Variants in NTN4 observed in about 807,000 individuals in gnomAD.
The protein encoded by NTN4 is netrin 4.
In NTN4, 32 loss-of-function variants were observed where a neutral mutation model predicts 73.6. That is an observed-to-expected ratio of 0.44 (90% CI 0.33 to 0.58). The LOEUF (loss-of-function observed/expected upper bound fraction) is 0.58, where lower values mean the gene tolerates loss of function less well. Among genes scored for constraint, NTN4 ranks in the 20% least tolerant of loss-of-function variants. The pLI, the probability that NTN4 is intolerant of heterozygous loss-of-function variation, is 0.04. For synonymous variants in NTN4, 258 were observed against 287.5 expected (o/e 0.90, Z 1.04); for missense variants, 654 against 798.3 (o/e 0.82, Z 2.18).
At chr12:95,712,902 T>A (rs1163349749) in intron 4 of NTN4, among the ~76,000 whole-genome samples, 1 of 150,366 alleles carries the variant, frequency 6.7e-6, no homozygotes, top group Non-Finnish European at 1.5e-5. Context: ...CCTCCCAAAG[T>A]GCTGAAATTA....
At chr12:95,706,278 T>C (rs2078521239) in intron 5 of NTN4, among the ~76,000 whole-genome samples, 1 of 114,412 alleles carries the variant, frequency 8.7e-6, no homozygotes, top group African/African-American at 3.4e-5. Context: ...ATCTTGAACA[T>C]AGAACAGTAA....
At chr12:95,695,418 G>A (rs754147391) in intron 5 of NTN4, among the ~76,000 whole-genome samples, 4 of 152,088 alleles carry the variant, frequency 2.6e-5, no homozygotes, top group Non-Finnish European at 4.4e-5. Flanking sequence ...AGGCTGGAGT[G>A]CAATGGCGTG....
chr12:95,782,522 T>A (rs1469094908), intron 2 of NTN4, among the ~76,000 whole-genome samples: 1 of 152,110 alleles, frequency 6.6e-6, no homozygotes, highest in Non-Finnish European at 1.5e-5. Flanking sequence ...GGTCTTGAAC[T>A]CCTGACCTTA....
chr12:95,754,320 G>T (rs1160812836), intron 2 of NTN4, among the ~76,000 whole-genome samples: 1 of 52,516 alleles, frequency 1.9e-5, no homozygotes, highest in Non-Finnish European at 5.5e-5. Flanking sequence ...AGGTTCCCAC[G>T]CCGCCCCTAA....
intron 2 of NTN4, among the ~76,000 whole-genome samples, chr12:95,764,510 CAAAA>C (rs1456854923): frequency 6.6e-6 from 1 of 152,004 alleles, no homozygotes; most frequent in Non-Finnish European, 1.5e-5. Flanking sequence ...ACTAAAAATA[CAAAA>C]ATTAGCTGTG....
intron 5 of NTN4, among the ~76,000 whole-genome samples, chr12:95,707,088 A>T (rs2078526563): frequency 6.6e-6 from 1 of 152,226 alleles, no homozygotes; most frequent in South Asian, 2.1e-4. Flanking sequence ...ATATGAATTG[A>T]GCTGCCTTTG....
intron 3 of NTN4, among the ~76,000 whole-genome samples, chr12:95,735,900 T>A (rs58139213): frequency 0.22 from 31,754 of 145,774 alleles, 4,003 homozygotes; most frequent in East Asian, 0.37. Flanking sequence ...TGATTTTTTT[T>A]AAATTTTTAT....
At chr12:95,749,593 G>A (rs148066261) in intron 2 of NTN4, among the ~76,000 whole-genome samples, 54 of 152,266 alleles carry the variant, frequency 3.5e-4, no homozygotes, top group African/African-American at 1.1e-3. Context: ...AAACTCTGGC[G>A]CCGGTCACGG....
chr12:95,765,846 C>A (rs374983477), intron 2 of NTN4, among the ~76,000 whole-genome samples: 24 of 152,222 alleles, frequency 1.6e-4, no homozygotes, highest in African/African-American at 5.8e-4. Context: ...AATCCAAGGC[C>A]CCTAAAATAC....
At chr12:95,786,804 T>C (rs2079170348) in intron 2 of NTN4, 135 bp downstream of exon 2, 1 of 721,500 alleles carries the variant, frequency 1.4e-6, no homozygotes, top group Non-Finnish European at 2.2e-6. Context: ...AAATAATTTA[T>C]GACAAATAAA....
chr12:95,746,394 C>T (rs201227466), intron 2 of NTN4, among the ~76,000 whole-genome samples: 36 of 147,818 alleles, frequency 2.4e-4, no homozygotes, highest in African/African-American at 8.3e-4. Flanking sequence ...AGACCCCCCC[C>T]TCCCCTTTCT....
At chr12:95,775,903 G>A (rs1009703822) in intron 2 of NTN4, among the ~76,000 whole-genome samples, 1 of 152,186 alleles carries the variant, frequency 6.6e-6, no homozygotes, top group Non-Finnish European at 1.5e-5. Flanking sequence ...TAACTGGGAG[G>A]CACCCCCCAG....
intron 2 of NTN4, among the ~76,000 whole-genome samples, chr12:95,770,532 G>A (rs570457447): frequency 6.6e-6 from 1 of 152,250 alleles, no homozygotes; most frequent in African/African-American, 2.4e-5. Flanking sequence ...GCTATTTACT[G>A]GGACACAGAA....
intron 2 of NTN4, among the ~76,000 whole-genome samples, chr12:95,780,892 A>T (rs2079127993): frequency 6.6e-6 from 1 of 152,214 alleles, no homozygotes; most frequent in South Asian, 2.1e-4. Context: ...AAGACTTGGA[A>T]CCAACCCAAA....
intron 9 of NTN4, among the ~76,000 whole-genome samples, chr12:95,665,232 A>G (rs927704580): frequency 6.6e-6 from 1 of 152,128 alleles, no homozygotes; most frequent in Non-Finnish European, 1.5e-5. Flanking sequence ...TGCAAATCAA[A>G]TTTCTCTCCA....
chr12:95,694,590 T>A (rs1454045355), intron 5 of NTN4, among the ~76,000 whole-genome samples: 1 of 152,134 alleles, frequency 6.6e-6, no homozygotes, highest in Non-Finnish European at 1.5e-5. Context: ...AAAAATGAGA[T>A]CTTTTATCTT....
chr12:95,774,519 A>G (rs1284072050), intron 2 of NTN4, among the ~76,000 whole-genome samples: 1 of 152,264 alleles, frequency 6.6e-6, no homozygotes, highest in African/African-American at 2.4e-5. Context: ...TGAAGACTAC[A>G]AGTAGTTAAC....
Position 95,670,150 on chromosome 12 carries a change from T to C in NTN4, c.1511-4A>G, listed in dbSNP as rs780524679. ...TGTTCCTTACATTCGCATTTACCTATGGAAAGTAAATTAAAAATGGTGTTA... is the reference window on the plus strand; with the variant it reads ...TGTTCCTTACATTCGCATTTACCTACGGAAAGTAAATTAAAAATGGTGTTA... On this transcript the variant is annotated splice_polypyrimidine_tract_variant and splice_region_variant and intron_variant, in intron 7 of 9. Coordinates refer to ENST00000343702, the MANE Select transcript of NTN4 (RefSeq NM_021229.4). 5.1e-6 allele frequency: 8 copies of C among 1,558,126 alleles called. No homozygotes were observed. Among genetic ancestry groups the C allele is most frequent in the South Asian group, 2.4e-5 (2 of 83,210 alleles).
At chr12:95,777,325 T>C (rs1592718151) in intron 2 of NTN4, among the ~76,000 whole-genome samples, 2 of 152,170 alleles carry the variant, frequency 1.3e-5, no homozygotes, top group East Asian at 3.9e-4. Flanking sequence ...TAACCTTAAA[T>C]GTAAATGGGC....
Sources: gnomAD v4.1 joint callset for allele counts (sites outside exome capture counted in the v4.1 genomes callset) on GRCh38, gnomAD v4.1.1 for gene constraint, MANE v1.5 for transcripts, NCBI Gene and HGNC (gene_info 2026-07-23, HGNC 2026-07-21) for gene names.